The following VWA3B variants were observed in gnomAD, a reference collection of about 807,000 sequenced individuals.
The protein encoded by VWA3B is von Willebrand factor A domain containing 3B, also known as von Willebrand factor A domain-containing protein 3B.
In VWA3B, 138 loss-of-function variants were observed where a neutral mutation model predicts 158.3. That is an observed-to-expected ratio of 0.87 (90% CI 0.76 to 1.00). VWA3B has a LOEUF of 1.00. VWA3B is among the 50% of genes least tolerant of loss of function. The pLI is 0.00. For missense variants in VWA3B, 1,555 were observed against 1,565.1 expected (o/e 0.99, Z 0.11); for synonymous variants, 596 against 587.3 (o/e 1.01, Z -0.21).
intron 19 of VWA3B, among the ~76,000 whole-genome samples, chr2:98,246,129 A>G (rs1686378222): frequency 6.6e-6 from 1 of 152,182 alleles, no homozygotes; most frequent in African/African-American, 2.4e-5. Context: ...TTTTTAAAAA[A>G]TGAAACAATA....
At chr2:98,170,293 T>C (rs752420169) in intron 8 of VWA3B, among the ~76,000 whole-genome samples, 2 of 152,206 alleles carry the variant, frequency 1.3e-5, no homozygotes, top group African/African-American at 2.4e-5. Flanking sequence ...TCGAATCACA[T>C]TGTGTAGTCA....
intron 6 of VWA3B, among the ~76,000 whole-genome samples, chr2:98,130,944 T>C (rs1270424417): frequency 6.6e-6 from 1 of 152,204 alleles, no homozygotes; most frequent in Non-Finnish European, 1.5e-5. Context: ...TTAAGTCCCC[T>C]CTTCTGGCTA....
At chr2:98,249,283 A>G (rs924218367) in intron 19 of VWA3B, among the ~76,000 whole-genome samples, 3 of 152,192 alleles carry the variant, frequency 2.0e-5, no homozygotes, top group African/African-American at 7.2e-5. Flanking sequence ...TGATAGGAAT[A>G]CAGTAGTGAA....
At chr2:98,115,796 C>A (rs760706254) in intron 3 of VWA3B, 50 bp downstream of exon 3, 4 of 1,470,258 alleles carry the variant, frequency 2.7e-6, no homozygotes, top group African/African-American at 2.8e-5. Context: ...GTGCTGACAT[C>A]ACATCGGAGA....
Position 98,312,196 on chromosome 2 carries a change from CCA to C in VWA3B, c.3736-3_3736-2del. The C allele has an allele frequency of 6.2e-7, 1 of 1,614,174 alleles. No homozygotes were observed. The highest frequency in any genetic ancestry group is 8.5e-7 in the Non-Finnish European group (1 of 1,180,034). ...TTAAGTAATGCTGAACTCTGCTTCC[CCA>C]GACAGCCCACCTCCACTTCCCCGCG... On this transcript the variant is annotated splice_acceptor_variant and splice_polypyrimidine_tract_variant and intron_variant, in intron 27 of 27. Coordinates refer to ENST00000477737, the MANE Select transcript of VWA3B (RefSeq NM_144992.5). LOFTEE classifies it high-confidence loss of function.
At chr2:98,223,030 C>T (rs1684637425) in intron 14 of VWA3B, among the ~76,000 whole-genome samples, 1 of 152,062 alleles carries the variant, frequency 6.6e-6, no homozygotes, top group African/African-American at 2.4e-5. Context: ...GTTGGAATGA[C>T]CTGCAAGGAT....
intron 25 of VWA3B, among the ~76,000 whole-genome samples, chr2:98,301,652 C>T (rs149586238): frequency 1.3e-5 from 2 of 152,288 alleles, no homozygotes; most frequent in African/African-American, 4.8e-5. Flanking sequence ...AACTGTATCA[C>T]CTCTAGATTG....
chr2:98,203,789 A>G (rs914238163), intron 12 of VWA3B, among the ~76,000 whole-genome samples: 13 of 152,334 alleles, frequency 8.5e-5, no homozygotes, highest in Middle Eastern at 3.4e-3. Context: ...TGACCTTAGT[A>G]GGCTTACGTA....
At chr2:98,206,739 G>A (rs1399076498) in intron 12 of VWA3B, 5 of 333,532 alleles carry the variant, frequency 1.5e-5, no homozygotes, top group South Asian at 8.2e-5. Flanking sequence ...CCCTAGCCAA[G>A]AGTGGCAAAA....
downstream of VWA3B, among the ~76,000 whole-genome samples, chr2:98,317,496 C>T (rs1476721573): frequency 2.0e-5 from 3 of 152,196 alleles, no homozygotes; most frequent in African/African-American, 4.8e-5. Context: ...GAAACATTTA[C>T]AATCTATTCT....
At chr2:98,305,240 T>G (rs1428851562) in intron 26 of VWA3B, among the ~76,000 whole-genome samples, 1 of 152,142 alleles carries the variant, frequency 6.6e-6, no homozygotes, top group Non-Finnish European at 1.5e-5. Context: ...TGTCTCCTTC[T>G]CCAACCCAGG....
chr2:98,256,047 G>A (rs762079126), intron 20 of VWA3B, 77 bp from the exon 21 acceptor site: 45 of 1,537,772 alleles, frequency 2.9e-5, no homozygotes, highest in Non-Finnish European at 4.0e-5. Context: ...GGCTCCCACT[G>A]CGGTGCCTGG....
intron 16 of VWA3B, among the ~76,000 whole-genome samples, chr2:98,230,517 A>G (rs1446557072): frequency 1.3e-5 from 2 of 151,372 alleles, no homozygotes; most frequent in Non-Finnish European, 3.0e-5. Flanking sequence ...GTGTGTGTGT[A>G]TGTGTGTGTG....
At chr2:98,153,750 G>A (rs909915901) in intron 7 of VWA3B, among the ~76,000 whole-genome samples, 2 of 152,232 alleles carry the variant, frequency 1.3e-5, no homozygotes, top group Admixed American at 6.5e-5. Context: ...GGATGGAGCC[G>A]GAGCGGCTGT....
At chr2:98,273,714 TCCTTAGA>T (rs1335282213) in intron 22 of VWA3B, among the ~76,000 whole-genome samples, 67 of 152,274 alleles carry the variant, frequency 4.4e-4, no homozygotes, top group African/African-American at 1.4e-3. Flanking sequence ...ACAGACTTAG[TCCTTAGA>T]CTATCCTAAT....
intron 7 of VWA3B, among the ~76,000 whole-genome samples, chr2:98,139,512 T>C (rs1435892174): frequency 6.6e-6 from 1 of 152,150 alleles, no homozygotes; most frequent in East Asian, 1.9e-4. Flanking sequence ...GCTCAGGGAT[T>C]GTAAATACAC....
chr2:98,181,455 G>A (rs1680574020), intron 9 of VWA3B, among the ~76,000 whole-genome samples: 1 of 152,238 alleles, frequency 6.6e-6, no homozygotes, highest in Non-Finnish European at 1.5e-5. Flanking sequence ...GCCAGGGGCT[G>A]GGTTTGGAGA....
chr2:98,315,353 A>T (rs1433331254), downstream of VWA3B, among the ~76,000 whole-genome samples: 1 of 152,230 alleles, frequency 6.6e-6, no homozygotes, highest in East Asian at 1.9e-4. Context: ...ATACCTATGT[A>T]TCTAGATTTT....
intron 20 of VWA3B, among the ~76,000 whole-genome samples, chr2:98,252,494 G>A (rs558910645): frequency 3.3e-5 from 5 of 152,164 alleles, no homozygotes; most frequent in South Asian, 2.1e-4. Flanking sequence ...CAGATGGTTC[G>A]CGGGGGTTTC....
Sources: gnomAD v4.1 joint callset for allele counts (sites outside exome capture counted in the v4.1 genomes callset) on GRCh38, gnomAD v4.1.1 for gene constraint, MANE v1.5 for transcripts, NCBI Gene and HGNC (gene_info 2026-07-23, HGNC 2026-07-21) for gene names.